Variants in PDE1C observed in about 807,000 individuals in gnomAD.
PDE1C encodes phosphodiesterase 1C, also known as dual specificity calcium/calmodulin-dependent 3',5'-cyclic nucleotide phosphodiesterase 1C.
In PDE1C, 62 loss-of-function variants were observed where a neutral mutation model predicts 93.1. That is an observed-to-expected ratio of 0.67 (90% CI 0.54 to 0.82). The LOEUF is 0.82. Among genes scored for constraint, PDE1C ranks in the 40% least tolerant of loss-of-function variants. The pLI, the probability that PDE1C is intolerant of heterozygous loss-of-function variation, is 0.00. For synonymous variants in PDE1C, 325 were observed against 310.1 expected (o/e 1.05, Z -0.50); for missense variants, 742 against 884.6 (o/e 0.84, Z 2.04).
chr7:32,118,901 ATAC>A (rs757149294), intron 3 of PDE1C, among the ~76,000 whole-genome samples: 1 of 152,132 alleles, frequency 6.6e-6, no homozygotes, highest in Non-Finnish European at 1.5e-5. Context: ...ATCATTTGTG[ATAC>A]TGTGGTAATA....
the PDE1C span, chr7:31,642,191 G>C: frequency 6.4e-7 from 1 of 1,561,024 alleles, no homozygotes; most frequent in Non-Finnish European, 8.7e-7. Context: ...AGGGTGGACA[G>C]AGCAAATAGC....
At chr7:31,739,978 C>T in the PDE1C span, among the ~76,000 whole-genome samples, 1 of 152,154 alleles carries the variant, frequency 6.6e-6, no homozygotes, top group Admixed American at 6.5e-5. Context: ...TTCCCAAAAC[C>T]GATCTGCCTG....
the PDE1C span, among the ~76,000 whole-genome samples, chr7:31,616,860 ACAGATAC>A: frequency 8.6e-5 from 13 of 151,438 alleles, no homozygotes; most frequent in Admixed American, 5.9e-4. Context: ...ACCTCTCTTA[ACAGATAC>A]CAGATACCCA....
intron 2 of PDE1C, among the ~76,000 whole-genome samples, chr7:31,923,526 A>G (rs115119577): frequency 6.6e-6 from 1 of 152,348 alleles, no homozygotes; most frequent in African/African-American, 2.4e-5. Context: ...CTTATGAGTA[A>G]CATGGAGGAG....
chr7:32,401,689 G>A (rs2128095633), intron 1 of PDE1C, among the ~76,000 whole-genome samples: 1 of 152,330 alleles, frequency 6.6e-6, no homozygotes, highest in African/African-American at 2.4e-5. Context: ...AGGAGATTCT[G>A]TGCTCAAGCC....
the PDE1C span, among the ~76,000 whole-genome samples, chr7:31,644,271 C>A: frequency 7.1e-6 from 1 of 140,776 alleles, no homozygotes; most frequent in Middle Eastern, 3.5e-3. Flanking sequence ...ATCTGTAACT[C>A]ATCTCCAGTT....
intron 17 of PDE1C, 116 bp downstream of exon 17, chr7:31,775,548 G>C: frequency 1.3e-6 from 1 of 794,896 alleles, no homozygotes; most frequent in Non-Finnish European, 2.1e-6. Context: ...CTGATAACGT[G>C]AGTAGACTGG....
intron 1 of PDE1C, among the ~76,000 whole-genome samples, chr7:32,377,799 T>C (rs897213131): frequency 1.3e-5 from 2 of 152,078 alleles, no homozygotes; most frequent in Non-Finnish European, 2.9e-5. Context: ...ACAAAATTCA[T>C]GCCCTCCGCC....
rs1322550469 is a variant in PDE1C at position 32,318,504 on chromosome 7, G to C, written c.311-108965C>G. ...AGCCTGCACCGCTGGCTGGGTGCCC[G>C]CCACGCACAGAAGGGCAGTAGGAAC... On this transcript the variant is annotated intron_variant, in intron 1 of 1. Coordinates refer to the PDE1C transcript ENST00000672256. Among the ~76,000 whole-genome samples the C allele has an allele frequency of 5.3e-5, 8 of 152,316 alleles. No individual in the cohort carries two copies. In the East Asian group the frequency reaches 1.5e-3, roughly 30 times the overall value.
At chr7:32,201,457 AT>A (rs1805006721) in intron 2 of PDE1C, among the ~76,000 whole-genome samples, 1 of 152,194 alleles carries the variant, frequency 6.6e-6, no homozygotes, top group African/African-American at 2.4e-5. Context: ...ATTTGCTATT[AT>A]CTCAATAGGG....
At chr7:31,743,073 T>C in the PDE1C span, among the ~76,000 whole-genome samples, 1 of 152,234 alleles carries the variant, frequency 6.6e-6, no homozygotes, top group East Asian at 1.9e-4. Context: ...CTATAGTTTT[T>C]TTGTTGTTGT....
chr7:32,124,176 C>G (rs962460322), intron 3 of PDE1C, among the ~76,000 whole-genome samples: 8 of 152,066 alleles, frequency 5.3e-5, no homozygotes, highest in African/African-American at 1.9e-4. Flanking sequence ...TCAAGGAGAA[C>G]TACAAACCAC....
chr7:31,953,300 A>G lies in PDE1C; in HGVS notation c.129-72440T>C, dbSNP rs540123489. Reference sequence around the variant, plus strand: ...CCCATAACTTGGCTTAATGGACTCCACCATTTATATCCTACTCATGCTCCA... The same window carrying G: ...CCCATAACTTGGCTTAATGGACTCCGCCATTTATATCCTACTCATGCTCCA... On this transcript the variant is annotated intron_variant, in intron 2 of 17. Coordinates refer to ENST00000396191, the MANE Select transcript of PDE1C (RefSeq NM_001191057.4). 1.0e-3 allele frequency among the ~76,000 whole-genome samples: 152 copies of G among 152,274 alleles called. 4 individuals carry two copies. Among genetic ancestry groups the G allele is most frequent in the Admixed American group, 9.6e-3 (147 of 15,300 alleles).
intron 3 of PDE1C, among the ~76,000 whole-genome samples, chr7:32,127,526 A>G (rs1244382656): frequency 6.6e-6 from 1 of 152,138 alleles, no homozygotes; most frequent in East Asian, 1.9e-4. Context: ...TTCAAATGCT[A>G]TGATTTTCTA....
intron 2 of PDE1C, among the ~76,000 whole-genome samples, chr7:32,195,242 C>A (rs1405455290): frequency 6.6e-6 from 1 of 152,178 alleles, no homozygotes; most frequent in Non-Finnish European, 1.5e-5. Flanking sequence ...TCTGATGTCC[C>A]AAGGTTCCTT....
Position 31,908,419 on chromosome 7 carries a change from G to T in PDE1C, c.129-27559C>A, listed in dbSNP as rs145413385. Among the ~76,000 whole-genome samples, 42 of 152,240 alleles carry T rather than the reference G, an allele frequency of 2.8e-4. No homozygotes were observed. The East Asian group carries it at 7.2e-3, about 26-fold the overall frequency. ...AAACGCCCCTCCACAGTAAGGGTGC[G>T]TGAGTACTCTGGTTCCAGCGTATGC... On this transcript the variant is annotated intron_variant, in intron 2 of 17. Transcript: ENST00000396191.
At chr7:32,303,714 G>A (rs963543394), upstream of PDE1C, among the ~76,000 whole-genome samples, 4 of 152,144 alleles carry the variant, frequency 2.6e-5, no homozygotes, top group Admixed American at 6.5e-5. Context: ...GGCCCTGATG[G>A]AGGTTACCAA....
intron 11 of PDE1C, among the ~76,000 whole-genome samples, chr7:31,833,687 AGGGTATCT>A (rs896581381): frequency 6.6e-6 from 1 of 152,204 alleles, no homozygotes; most frequent in Non-Finnish European, 1.5e-5. Context: ...GAAATGACTT[AGGGTATCT>A]GGCGGAAACA....
At chr7:31,628,305 G>A in the PDE1C span, among the ~76,000 whole-genome samples, 7 of 152,110 alleles carry the variant, frequency 4.6e-5, no homozygotes, top group South Asian at 4.1e-4. Flanking sequence ...CAGAATAGAA[G>A]GTAACAGGGG....
Sources: gnomAD v4.1 joint callset for allele counts (sites outside exome capture counted in the v4.1 genomes callset) on GRCh38, gnomAD v4.1.1 for gene constraint, MANE v1.5 for transcripts, NCBI Gene and HGNC (gene_info 2026-07-23, HGNC 2026-07-21) for gene names.